Variants in LAMC1 observed in about 807,000 individuals in gnomAD.
LAMC1 encodes the protein laminin subunit gamma-1.
In LAMC1, 38 loss-of-function variants were observed where a neutral mutation model predicts 173.6. That is an observed-to-expected ratio of 0.22 (90% CI 0.17 to 0.29). The LOEUF (loss-of-function observed/expected upper bound fraction) is 0.29. Among genes scored for constraint, LAMC1 ranks in the 10% least tolerant of loss-of-function variants. The probability of loss-of-function intolerance (pLI) is 1.00; values close to 1 mark genes in which losing one functional copy is unlikely to be tolerated. For missense variants in LAMC1, 1,824 were observed against 2,051.8 expected, an observed-to-expected ratio of 0.89 and a Z score of 2.14; for synonymous variants, 746 against 749.1, an observed-to-expected ratio of 1.00 and a Z score of 0.07.
rs775226090 is a variant in LAMC1 at position 183,126,230 on chromosome 1, A to G, written c.2912A>G (p.Asn971Ser). The G allele has an allele frequency of 2.5e-6, 4 of 1,614,136 alleles. No homozygotes were observed. The highest frequency in any genetic ancestry group is 2.2e-5 in the East Asian group (1 of 44,870). ...TGQHCERCEVNHFGFGPEGCK... is the reference protein window; with the variant it reads ...TGQHCERCEVSHFGFGPEGCK... ...CAGCACTGTGAGCGCTGTGAGGTCA[A>G]CCACTTTGGGTTTGGACCTGAAGGC... The change falls in exon 16 of 28, where the codon AAC (asparagine) becomes AGC (serine). Residue 971 changes from asparagine (N) to serine (S), a missense_variant. Transcript: ENST00000258341.
chr1:183,031,901 A>C (rs1426634799), intron 1 of LAMC1, among the ~76,000 whole-genome samples: 4 of 151,894 alleles, frequency 2.6e-5, no homozygotes, highest in Middle Eastern at 3.2e-3. Flanking sequence ...GAGTAGAATA[A>C]AATAATTTAA....
chr1:183,024,318 G>C (rs1653623814), intron 1 of LAMC1, among the ~76,000 whole-genome samples, 184 bp downstream of exon 1: 1 of 152,012 alleles, frequency 6.6e-6, no homozygotes, highest in African/African-American at 2.4e-5. Context: ...TTAACATCCC[G>C]TGAGGGCCAG....
chr1:183,132,876 T>C (rs1362997505), intron 21 of LAMC1, among the ~76,000 whole-genome samples: 1 of 152,198 alleles, frequency 6.6e-6, no homozygotes, highest in African/African-American at 2.4e-5. Context: ...TAAGAAAGTA[T>C]ATGGTAAGCC....
At chr1:183,094,703 T>G (rs1655649691) in intron 1 of LAMC1, among the ~76,000 whole-genome samples, 1 of 152,230 alleles carries the variant, frequency 6.6e-6, no homozygotes, top group Non-Finnish European at 1.5e-5. Context: ...GTAAGATATC[T>G]TATGGTATTT....
chr1:183,066,805 G>T (rs1180755820), intron 1 of LAMC1, among the ~76,000 whole-genome samples: 1 of 152,140 alleles, frequency 6.6e-6, no homozygotes, highest in Non-Finnish European at 1.5e-5. Flanking sequence ...GGGCCTTTCA[G>T]GGGGTTGGGG....
chr1:183,067,382 A>C (rs1654901363), intron 1 of LAMC1, among the ~76,000 whole-genome samples: 1 of 152,220 alleles, frequency 6.6e-6, no homozygotes, highest in Non-Finnish European at 1.5e-5. Context: ...TTGACCACAC[A>C]ACTGCAAATT....
At chr1:183,113,953 C>T (rs1276609589) in intron 4 of LAMC1, among the ~76,000 whole-genome samples, 3 of 152,162 alleles carry the variant, frequency 2.0e-5, no homozygotes, top group Admixed American at 1.3e-4. Flanking sequence ...TTTCTAAGTA[C>T]GAGAATTCCT....
chr1:183,117,855 G>A (rs1372630704), intron 10 of LAMC1, 132 bp downstream of exon 10: 5 of 854,146 alleles, frequency 5.9e-6, no homozygotes, highest in Non-Finnish European at 9.1e-6. Flanking sequence ...TTGTAAAAGG[G>A]AGCCTTCCTT....
At chr1:183,090,187 G>T (rs960866819) in intron 1 of LAMC1, among the ~76,000 whole-genome samples, 2 of 151,776 alleles carry the variant, frequency 1.3e-5, no homozygotes, top group African/African-American at 2.4e-5. Context: ...ACAAATAAAA[G>T]CCAATTAAGA....
intron 1 of LAMC1, among the ~76,000 whole-genome samples, chr1:183,069,337 A>G (rs373175380): frequency 1.3e-5 from 2 of 152,236 alleles, no homozygotes; most frequent in East Asian, 1.9e-4. Context: ...CTGTTCATCA[A>G]TATATGTAAA....
At chr1:183,094,171 C>T (rs1191783976) in intron 1 of LAMC1, among the ~76,000 whole-genome samples, 1 of 152,206 alleles carries the variant, frequency 6.6e-6, no homozygotes. Context: ...CTCCTCACCA[C>T]TCCCTGGAAC....
At chr1:183,068,023 A>T (rs572763564) in intron 1 of LAMC1, among the ~76,000 whole-genome samples, 74 of 152,236 alleles carry the variant, frequency 4.9e-4, no homozygotes, top group African/African-American at 1.6e-3. Flanking sequence ...CCATTAACCC[A>T]AGCTTCCCAA....
At chr1:183,058,393 A>C (rs138206773) in intron 1 of LAMC1, among the ~76,000 whole-genome samples, 1 of 152,180 alleles carries the variant, frequency 6.6e-6, no homozygotes, top group African/African-American at 2.4e-5. Context: ...GGTTATTTCA[A>C]TTTGCTTGGC....
At chr1:183,135,718 T>TAA (rs200215561) in intron 24 of LAMC1, among the ~76,000 whole-genome samples, 1 of 150,174 alleles carries the variant, frequency 6.7e-6, no homozygotes. Context: ...CCCATCTCTA[T>TAA]AAAAAAAAAT....
In LAMC1 at chr1:183,023,686, C is replaced by G. The variant is rs1254873288; in HGVS notation, c.-31C>G. On this transcript the variant is annotated 5_prime_UTR_variant, in exon 1 of 28. Coordinates refer to ENST00000258341, the MANE Select transcript of LAMC1 (RefSeq NM_002293.4). ...GAGAGGAACGCGCCGGTGCCCTTGC[C>G]TTCGCCGTGACCCAGCGTGCGGGCG... 3.4e-6 allele frequency: 4 copies of G among 1,165,780 alleles called. No individual in the cohort carries two copies. The highest frequency in any genetic ancestry group is 3.2e-5 in the African/African-American group (2 of 61,740). 72.2% of individuals were successfully genotyped at this position (1,165,780 alleles called of 1,614,324 possible).
intron 25 of LAMC1, 113 bp from the exon 26 acceptor site, chr1:183,137,556 A>G (rs867772343): frequency 1.6e-5 from 9 of 569,558 alleles, no homozygotes; most frequent in East Asian, 3.2e-5. Context: ...TCAATATATT[A>G]TTATTTCTGG....
chr1:183,097,291 C>T (rs1296984540), intron 1 of LAMC1, among the ~76,000 whole-genome samples: 1 of 152,164 alleles, frequency 6.6e-6, no homozygotes, highest in Non-Finnish European at 1.5e-5. Context: ...TGTGCTACAA[C>T]TTTATTAAAG....
intron 2 of LAMC1, among the ~76,000 whole-genome samples, chr1:183,105,234 AAAAAAAAAAAAAG>A (rs1227676402): frequency 6.8e-5 from 10 of 146,902 alleles, no homozygotes; most frequent in African/African-American, 7.4e-5. Flanking sequence ...CAAAAAAAAA[AAAAAAAAAAAAAG>A]AAAGAAAGAA....
At chr1:183,091,255 G>A (rs557346504) in intron 1 of LAMC1, among the ~76,000 whole-genome samples, 84 of 152,176 alleles carry the variant, frequency 5.5e-4, no homozygotes, top group Middle Eastern at 3.4e-3. Context: ...ATTGGAGTGG[G>A]TCACCAAACT....
Sources: allele counts gnomAD v4.1 joint callset (sites outside exome capture counted in the v4.1 genomes callset), GRCh38; gene constraint gnomAD v4.1.1; transcripts MANE v1.5; gene names NCBI Gene and HGNC (gene_info 2026-07-23, HGNC 2026-07-21).